The following HACD2 variants were observed in gnomAD, a reference collection of about 807,000 sequenced individuals.
HACD2 encodes 3-hydroxyacyl-CoA dehydratase 2.
A neutral mutation model predicts 31.0 loss-of-function variants in HACD2; 15 were observed. That is an observed-to-expected ratio of 0.48 (90% CI 0.32 to 0.75). The LOEUF (loss-of-function observed/expected upper bound fraction) is 0.75, where lower values mean the gene tolerates loss of function less well. Among genes scored for constraint, HACD2 ranks in the 30% least tolerant of loss-of-function variants. The pLI, the probability that HACD2 is intolerant of heterozygous loss-of-function variation, is 0.03. For synonymous variants in HACD2, 115 were observed against 122.2 expected (o/e 0.94, Z 0.39); for missense variants, 283 against 313.0 (o/e 0.90, Z 0.72).
chr3:123,537,834 C>G (rs1026527587), intron 3 of HACD2, among the ~76,000 whole-genome samples: 3 of 151,928 alleles, frequency 2.0e-5, no homozygotes, highest in Non-Finnish European at 4.4e-5. Context: ...TTATACTTTT[C>G]CACACTGCCT....
intron 4 of HACD2, among the ~76,000 whole-genome samples, chr3:123,505,698 C>T (rs2055966373): frequency 6.6e-6 from 1 of 152,138 alleles, no homozygotes. Flanking sequence ...GATGAGACCC[C>T]ATTTAGGGAA....
chr3:123,511,820 T>C (rs2107690261), intron 4 of HACD2, among the ~76,000 whole-genome samples: 1 of 152,294 alleles, frequency 6.6e-6, no homozygotes, highest in Middle Eastern at 3.4e-3. Context: ...GTTAGGGTAT[T>C]TGACCCTCCA....
rs1576752678 is a variant in HACD2 at position 123,528,346 on chromosome 3, T to A, written c.381+40A>T. On this transcript the variant is annotated intron_variant, in intron 4 of 6. Coordinates refer to ENST00000383657, the MANE Select transcript of HACD2 (RefSeq NM_198402.5). ...TGAATCAGAAAAGTTGACTAGTGTT[T>A]GTTAGTGTTGACATTATTTTGGTCT... 10 of 1,207,194 alleles carry A rather than the reference T, an allele frequency of 8.3e-6. No homozygotes were observed. In the East Asian group the frequency reaches 2.3e-4, roughly 28 times the overall value. 74.8% of individuals were successfully genotyped at this position (1,207,194 alleles called of 1,614,324 possible).
At chr3:123,573,129 C>G (rs2056872772) in intron 2 of HACD2, among the ~76,000 whole-genome samples, 1 of 152,092 alleles carries the variant, frequency 6.6e-6, no homozygotes, top group Non-Finnish European at 1.5e-5. Flanking sequence ...TTACATCTAC[C>G]AATATTTGAT....
At chr3:123,561,485 A>G (rs2056728167) in intron 3 of HACD2, among the ~76,000 whole-genome samples, 1 of 152,150 alleles carries the variant, frequency 6.6e-6, no homozygotes, top group Non-Finnish European at 1.5e-5. Context: ...ACAATTTTCT[A>G]TCAAAAGAAA....
chr3:123,556,803 T>C (rs1272421331), intron 3 of HACD2, among the ~76,000 whole-genome samples: 1 of 152,146 alleles, frequency 6.6e-6, no homozygotes, highest in Non-Finnish European at 1.5e-5. Flanking sequence ...AAGACCTGAA[T>C]AGACACCTTG....
At chr3:123,518,670 A>G (rs2720309) in intron 4 of HACD2, among the ~76,000 whole-genome samples, 82,740 of 151,948 alleles carry the variant, frequency 0.54, 25,265 homozygotes, top group Non-Finnish European at 0.69. Context: ...AAAGAGATTC[A>G]CAATTTTCAC....
chr3:123,547,773 G>A (rs1489373735), intron 3 of HACD2, among the ~76,000 whole-genome samples: 2 of 152,126 alleles, frequency 1.3e-5, no homozygotes, highest in East Asian at 3.9e-4. Context: ...CTGTTCAAAC[G>A]ACAATAACGA....
At chr3:123,563,395 T>A (rs2056755244) in intron 3 of HACD2, among the ~76,000 whole-genome samples, 1 of 151,590 alleles carries the variant, frequency 6.6e-6, no homozygotes, top group African/African-American at 2.4e-5. Context: ...AGGCAGGGAG[T>A]AGGCACTGGA....
At chr3:123,520,090 G>A (rs138503572) in intron 4 of HACD2, among the ~76,000 whole-genome samples, 23 of 152,288 alleles carry the variant, frequency 1.5e-4, no homozygotes, top group African/African-American at 5.3e-4. Flanking sequence ...CCTCTGAGAG[G>A]TGAGGCCTGT....
At chr3:123,514,207 A>T (rs1222023021) in intron 4 of HACD2, among the ~76,000 whole-genome samples, 1 of 152,126 alleles carries the variant, frequency 6.6e-6, no homozygotes, top group Non-Finnish European at 1.5e-5. Flanking sequence ...CCCAGGAGGC[A>T]GAGGTTGCAG....
chr3:123,542,670 GAAC>G (rs1375842386), intron 3 of HACD2, among the ~76,000 whole-genome samples: 1 of 152,170 alleles, frequency 6.6e-6, no homozygotes, highest in Non-Finnish European at 1.5e-5. Context: ...TTAAAAATGA[GAAC>G]AACTTGTTCT....
chr3:123,573,667 T>C (rs1030737057), intron 2 of HACD2, among the ~76,000 whole-genome samples: 3 of 152,124 alleles, frequency 2.0e-5, no homozygotes, highest in Non-Finnish European at 4.4e-5. Flanking sequence ...TTAGGATCCT[T>C]ATGTAACTCC....
At chr3:123,497,740 G>A (rs912638472) in intron 6 of HACD2, among the ~76,000 whole-genome samples, 1 of 152,192 alleles carries the variant, frequency 6.6e-6, no homozygotes, top group African/African-American at 2.4e-5. Context: ...GAACAGGAGA[G>A]GAGCACCTGG....
intron 4 of HACD2, among the ~76,000 whole-genome samples, chr3:123,505,971 G>C (rs2055970505): frequency 6.6e-6 from 1 of 152,232 alleles, no homozygotes; most frequent in South Asian, 2.1e-4. Flanking sequence ...GCCCAGGAAG[G>C]TCCTACCAAG....
intron 3 of HACD2, among the ~76,000 whole-genome samples, chr3:123,554,099 C>A (rs1576775872): frequency 2.0e-3 from 1 of 488 alleles, no homozygotes. Flanking sequence ...ATATATTATT[C>A]TTTTATATAA....
intron 4 of HACD2, among the ~76,000 whole-genome samples, chr3:123,510,010 T>A (rs1434642126): frequency 6.6e-6 from 1 of 152,154 alleles, no homozygotes; most frequent in Non-Finnish European, 1.5e-5. Context: ...TAAAATAAAA[T>A]TTATCATTTA....
chr3:123,510,930 GTGT>G (rs1300722905), intron 4 of HACD2, among the ~76,000 whole-genome samples: 4 of 32,240 alleles, frequency 1.2e-4, no homozygotes, highest in African/African-American at 2.0e-4. Flanking sequence ...CTCATTTGCT[GTGT>G]TTTTTTTTTT....
intron 4 of HACD2, among the ~76,000 whole-genome samples, chr3:123,509,866 G>A (rs1300868216): frequency 6.6e-6 from 1 of 152,084 alleles, no homozygotes; most frequent in African/African-American, 2.4e-5. Flanking sequence ...GGGAGGCGGG[G>A]AGAAGGGAGT....
Sources: gnomAD v4.1 joint callset for allele counts (sites outside exome capture counted in the v4.1 genomes callset) on GRCh38, gnomAD v4.1.1 for gene constraint, MANE v1.5 for transcripts, NCBI Gene and HGNC (gene_info 2026-07-23, HGNC 2026-07-21) for gene names.